The following BABAM2 variants were observed in gnomAD, a reference collection of about 807,000 sequenced individuals.
BABAM2 encodes the protein BRISC and BRCA1-A complex member 2.
BABAM2 carries 31 observed loss-of-function variants against 54.7 expected under a neutral mutation model. The observed-to-expected ratio is 0.57, with a 90% CI of 0.43 to 0.77. BABAM2 has a LOEUF of 0.77. Among genes scored for constraint, BABAM2 ranks in the 30% least tolerant of loss-of-function variants. The pLI, the probability that BABAM2 is intolerant of heterozygous loss-of-function variation, is 0.00. For synonymous variants in BABAM2, 167 were observed against 162.9 expected, an observed-to-expected ratio of 1.03 and a Z score of -0.19; for missense variants, 364 against 455.8, an observed-to-expected ratio of 0.80 and a Z score of 1.83.
intron 2 of BABAM2, among the ~76,000 whole-genome samples, chr2:27,909,298 G>A (rs961423057): frequency 9.9e-5 from 15 of 152,048 alleles, no homozygotes; most frequent in Non-Finnish European, 2.1e-4. Flanking sequence ...TCCCACTTTG[G>A]CCTCTTAAAG....
chr2:27,974,327 GCA>G (rs1180317728), intron 3 of BABAM2, among the ~76,000 whole-genome samples: 30 of 152,104 alleles, frequency 2.0e-4, no homozygotes, highest in Admixed American at 8.5e-4. Context: ...ATTGAATTTA[GCA>G]ACATATATAA....
chr2:27,894,810 A>T (rs1037495702), intron 2 of BABAM2, 126 bp downstream of exon 2: 8 of 1,101,940 alleles, frequency 7.3e-6, no homozygotes, highest in Non-Finnish European at 1.0e-5. Context: ...TCATCTCATC[A>T]TATGTTGATT....
intron 6 of BABAM2, among the ~76,000 whole-genome samples, chr2:28,081,336 T>G (rs554388750): frequency 3.3e-4 from 51 of 152,330 alleles, no homozygotes; most frequent in African/African-American, 1.2e-3. Context: ...TCCAAGCCTG[T>G]GGTGCAGACG....
chr2:27,918,971 T>A (rs1230442520), intron 2 of BABAM2, among the ~76,000 whole-genome samples: 2 of 152,230 alleles, frequency 1.3e-5, no homozygotes, highest in African/African-American at 4.8e-5. Context: ...ATTACAGGCA[T>A]GAGCCACTGT....
intron 8 of BABAM2, 149 bp from the exon 9 acceptor site, chr2:28,241,174 C>A: frequency 1.4e-6 from 1 of 708,750 alleles, no homozygotes; most frequent in Non-Finnish European, 2.4e-6. Flanking sequence ...AGCAAGTAGG[C>A]ACAATAGTCA....
intron 5 of BABAM2, among the ~76,000 whole-genome samples, chr2:28,036,219 C>CT (rs373539252): frequency 1.3e-5 from 2 of 152,068 alleles, no homozygotes; most frequent in African/African-American, 4.8e-5. Flanking sequence ...GTTTTAATGC[C>CT]TTTTTTTCAT....
At chr2:28,121,650 TTCATTTCCTCC>T (rs1669077316) in intron 6 of BABAM2, among the ~76,000 whole-genome samples, 1 of 152,174 alleles carries the variant, frequency 6.6e-6, no homozygotes, top group Non-Finnish European at 1.5e-5. Context: ...CTTTTAAACT[TTCATTTCCTCC>T]TCATTCCTTA....
intron 7 of BABAM2, among the ~76,000 whole-genome samples, chr2:28,178,021 G>A (rs947700382): frequency 6.6e-5 from 10 of 152,050 alleles, no homozygotes; most frequent in African/African-American, 2.4e-4. Flanking sequence ...GATCTAAAGG[G>A]AGAGATAGAC....
intron 5 of BABAM2, among the ~76,000 whole-genome samples, chr2:28,033,956 G>A (rs1332377716): frequency 3.3e-5 from 5 of 152,138 alleles, no homozygotes; most frequent in South Asian, 4.1e-4. Flanking sequence ...TAATGGGGAT[G>A]TGAGACAATT....
intron 6 of BABAM2, among the ~76,000 whole-genome samples, chr2:28,071,061 A>G (rs1286848439): frequency 6.6e-6 from 1 of 151,928 alleles, no homozygotes; most frequent in Non-Finnish European, 1.5e-5. Flanking sequence ...ATGTCACCTT[A>G]TTAGAGAGTT....
At chr2:28,231,864 G>GAGTACTCTAACCA (rs1681434104) in intron 7 of BABAM2, among the ~76,000 whole-genome samples, 1 of 130,416 alleles carries the variant, frequency 7.7e-6, no homozygotes, top group African/African-American at 2.8e-5. Context: ...CTAGAGTGCA[G>GAGTACTCTAACCA]TGGTATAAGC....
At chr2:28,045,587 T>C in intron 5 of BABAM2, 138 bp from the exon 6 acceptor site, 2 of 548,970 alleles carry the variant, frequency 3.6e-6, no homozygotes, top group Non-Finnish European at 6.1e-6. Flanking sequence ...TCCAACCTTC[T>C]TTTCTTGCCT....
At chr2:28,211,821 G>T (rs916597948) in intron 7 of BABAM2, among the ~76,000 whole-genome samples, 5 of 151,942 alleles carry the variant, frequency 3.3e-5, no homozygotes, top group Admixed American at 6.5e-5. Context: ...GAAAAATTTT[G>T]TATCACAATA....
At position 28,276,210 on chromosome 2, in the gene BABAM2, C is replaced by A. The variant is rs942003330; in HGVS notation, c.935-22128C>A. On this transcript the variant is annotated intron_variant, in intron 10 of 11. Transcript: ENST00000379624. ...ATAAAGAGATGGTAAAAGGCTAGAT[C>A]GCTCATTATAGTTTACAGAGCTCAT... 3.9e-5 allele frequency among the ~76,000 whole-genome samples: 6 copies of A among 152,104 alleles called. No homozygotes were observed. The East Asian group carries it at 5.8e-4, about 15-fold the overall frequency.
chr2:28,107,995 C>T (rs1273343360), intron 6 of BABAM2, among the ~76,000 whole-genome samples: 1 of 152,056 alleles, frequency 6.6e-6, no homozygotes, highest in Non-Finnish European at 1.5e-5. Flanking sequence ...GTGGGTCCAG[C>T]CTTGGTTTAT....
At chr2:28,192,026 T>A (rs557632070) in intron 7 of BABAM2, among the ~76,000 whole-genome samples, 2 of 152,178 alleles carry the variant, frequency 1.3e-5, no homozygotes, top group African/African-American at 4.8e-5. Flanking sequence ...GGCAGGAGAT[T>A]GTTTTTTGGT....
At chr2:28,251,901 A>C (rs538496746) in intron 10 of BABAM2, among the ~76,000 whole-genome samples, 1 of 152,314 alleles carries the variant, frequency 6.6e-6, no homozygotes, top group Admixed American at 6.5e-5. Context: ...TAGTATTAAT[A>C]ACTATCAGGC....
Position 28,118,690 on chromosome 2 carries a change from T to A in BABAM2, c.571-10581T>A, listed in dbSNP as rs1668811679. The stretch of plus-strand genomic sequence containing the variant: ...GTAGGTTGCCTGTTCACTCCAACGA[T>A]ACTTTCTTTTGCTGTGTAGAAGCTC... On this transcript the variant is annotated intron_variant, in intron 6 of 11. Coordinates refer to ENST00000379624, the MANE Select transcript of BABAM2 (RefSeq NM_199191.3). Among the ~76,000 whole-genome samples, 3 of 152,214 alleles carry A rather than the reference T, an allele frequency of 2.0e-5. No individual in the cohort carries two copies. The South Asian group carries it at 6.2e-4, about 32-fold the overall frequency.
intron 10 of BABAM2, among the ~76,000 whole-genome samples, chr2:28,253,061 G>C (rs1298112977): frequency 6.6e-6 from 1 of 152,102 alleles, no homozygotes; most frequent in Non-Finnish European, 1.5e-5. Context: ...TTATGTTTTG[G>C]TGCAGAGCTT....
Sources: gnomAD v4.1 joint callset for allele counts (sites outside exome capture counted in the v4.1 genomes callset) on GRCh38, gnomAD v4.1.1 for gene constraint, MANE v1.5 for transcripts, NCBI Gene and HGNC (gene_info 2026-07-23, HGNC 2026-07-21) for gene names.